Variants in ZNF805 observed in about 807,000 individuals in gnomAD.
ZNF805 encodes the protein zinc finger protein 805.
Under a neutral mutation model 13.6 loss-of-function variants are expected in ZNF805, and 7 were observed. The observed-to-expected ratio is 0.51, with a 90% CI of 0.29 to 0.97. ZNF805 has a LOEUF of 0.97. Among genes scored for constraint, ZNF805 ranks in the 50% least tolerant of loss-of-function variants. The pLI is 0.08. For missense variants in ZNF805, 604 were observed against 771.0 expected, an observed-to-expected ratio of 0.78 and a Z score of 2.57; for synonymous variants, 293 against 279.8, an observed-to-expected ratio of 1.05 and a Z score of -0.47.
chr19:57,255,762 A>G lies in ZNF805; in HGVS notation c.*1059A>G, dbSNP rs1027065570. 2.0e-5 allele frequency among the ~76,000 whole-genome samples: 3 copies of G among 152,284 alleles called. No individual in the cohort carries two copies. The highest frequency in any genetic ancestry group is 7.2e-5 in the African/African-American group (3 of 41,578). The stretch of plus-strand genomic sequence containing the variant: ...GGAGAATCCTTAGGATTTTAAATAT[A>G]GAAATGTCATTTGCAATTTGGGACA... On this transcript the variant is annotated 3_prime_UTR_variant, in exon 4 of 4. Coordinates refer to ENST00000414468, the MANE Select transcript of ZNF805 (RefSeq NM_001023563.4).
At chr19:57,245,787 A>C (rs2087614386) in intron 2 of ZNF805, among the ~76,000 whole-genome samples, 1 of 152,014 alleles carries the variant, frequency 6.6e-6, no homozygotes. Flanking sequence ...TCAAAAAAAA[A>C]AAAAACCTAA....
In ZNF805 at chr19:57,253,805, G is replaced by T; in HGVS notation, c.986G>T (p.Gly329Val). ...ECGKAFRDRPGFIRHYIIHSG... is the reference protein window; with the variant it reads ...ECGKAFRDRPVFIRHYIIHSG... ...GGCAAAGCCTTTCGAGATAGGCCAG[G>T]TTTCATTCGACACTACATCATCCAC... The change falls in exon 4 of 4, where the codon GGT (glycine) becomes GTT (valine). Residue 329 changes from glycine to valine, a missense_variant. Coordinates refer to ENST00000414468, the MANE Select transcript of ZNF805 (RefSeq NM_001023563.4). The surrounding 1 kb of genome is among the most constrained non-coding windows in gnomAD (Gnocchi z 4.4). 1 of 1,613,564 alleles carries T rather than the reference G, an allele frequency of 6.2e-7. No homozygotes were observed. Among genetic ancestry groups the T allele is most frequent in the Non-Finnish European group, 8.5e-7 (1 of 1,179,876 alleles).
chr19:57,243,932 A>G lies in ZNF805; in HGVS notation c.40A>G (p.Thr14Ala). The G allele has an allele frequency of 6.2e-7, 1 of 1,614,100 alleles. No individual in the cohort carries two copies. Among genetic ancestry groups the G allele is most frequent in the Non-Finnish European group, 8.5e-7 (1 of 1,180,032 alleles). ...CTATTTGACATTTCAGGTGTCTGTG[A>G]CCTTTGATGATGTGGCTGTGACTTT... ...ALTDPAQVSV[T>A]FDDVAVTFTQ... The change falls in exon 2 of 4, where the codon ACC (threonine) becomes GCC (alanine). Residue 14 changes from threonine to alanine, a missense_variant. Thr to Ala is a moderately conservative substitution (Grantham distance 58). Transcript: ENST00000414468.
In ZNF805 at chr19:57,256,388, C is replaced by T. The variant is rs570303270; in HGVS notation, c.*1685C>T. On this transcript the variant is annotated 3_prime_UTR_variant, in exon 4 of 4. Coordinates refer to ENST00000414468, the MANE Select transcript of ZNF805 (RefSeq NM_001023563.4). Reference sequence around the variant, plus strand: ...ATTCTCTTCTGTTTTTTTGGAAGATCATGTGTAGAATTGGTGTTATTTGTT... The same window carrying T: ...ATTCTCTTCTGTTTTTTTGGAAGATTATGTGTAGAATTGGTGTTATTTGTT... 5.1e-4 allele frequency among the ~76,000 whole-genome samples: 78 copies of T among 152,212 alleles called. No individual in the cohort carries two copies. Among genetic ancestry groups the T allele is most frequent in the African/African-American group, 1.8e-3 (75 of 41,558 alleles).
intron 1 of ZNF805, among the ~76,000 whole-genome samples, chr19:57,243,181 A>C (rs1293338357): frequency 6.6e-6 from 1 of 152,098 alleles, no homozygotes; most frequent in East Asian, 1.9e-4. Context: ...ATGCCATTAC[A>C]CTCCAGTCTG....
In ZNF805 at chr19:57,253,536, C is replaced by CT; in HGVS notation, c.720dup (p.Ser241Ter). On this transcript the variant is annotated frameshift_variant, in exon 4 of 4. Transcript: ENST00000414468. LOFTEE classifies it high-confidence loss of function. This position sits in a 1 kb window ranked among gnomAD's most constrained non-coding sequence, Gnocchi z 4.4. Reference sequence around the variant, plus strand: ...ATGAATGCACAGAGTGTGGAAAAACCTTTAGCAAGAGTACATACCTCCTGC... The same window carrying CT: ...ATGAATGCACAGAGTGTGGAAAAACCTTTTAGCAAGAGTACATACCTCCTGC... 5.6e-6 allele frequency: 9 copies of CT among 1,613,000 alleles called. No individual in the cohort carries two copies. Among genetic ancestry groups the CT allele is most frequent in the Non-Finnish European group, 7.6e-6 (9 of 1,179,446 alleles).
At chr19:57,243,688 G>A (rs948797648) in intron 1 of ZNF805, among the ~76,000 whole-genome samples, 4 of 152,120 alleles carry the variant, frequency 2.6e-5, no homozygotes, top group East Asian at 1.9e-4. Flanking sequence ...CGCCATCCAC[G>A]AGTTATTGCC....
At chr19:57,252,991 A>AT (rs1021537607) in intron 3 of ZNF805, 82 bp from the exon 4 acceptor site, 68 of 1,249,170 alleles carry the variant, frequency 5.4e-5, no homozygotes, top group South Asian at 1.5e-4. Context: ...TTATAACTTC[A>AT]TTTTTTTTAC....
At position 57,257,821 on chromosome 19, in the gene ZNF805, C is replaced by T. The variant is rs1200395389; in HGVS notation, c.*3118C>T. Among the ~76,000 whole-genome samples the T allele has an allele frequency of 6.7e-6, 1 of 148,946 alleles. No individual in the cohort carries two copies. The highest frequency in any genetic ancestry group is 1.5e-5 in the Non-Finnish European group (1 of 67,716). On this transcript the variant is annotated 3_prime_UTR_variant, in exon 4 of 4. Coordinates refer to ENST00000414468, the MANE Select transcript of ZNF805 (RefSeq NM_001023563.4). ...TCCTGGGTTCAAGTGATTCTCCTGC[C>T]TCAGGCTCTTGAGTAGCTGGGATTA...
At chr19:57,243,316 T>A (rs1289465342) in intron 1 of ZNF805, among the ~76,000 whole-genome samples, 1 of 151,970 alleles carries the variant, frequency 6.6e-6, no homozygotes, top group Non-Finnish European at 1.5e-5. Flanking sequence ...GCGGTGGTGT[T>A]TAGTAATACT....
At chr19:57,242,207 G>A (rs1384580870) in intron 1 of ZNF805, among the ~76,000 whole-genome samples, 2 of 152,196 alleles carry the variant, frequency 1.3e-5, no homozygotes, top group African/African-American at 2.4e-5. Context: ...CATATTTAGC[G>A]TGTGGACCAC....
At position 57,254,901 on chromosome 19, in the gene ZNF805, AAG is replaced by A; in HGVS notation, c.*201_*202del. On this transcript the variant is annotated 3_prime_UTR_variant, in exon 4 of 4. Coordinates refer to ENST00000414468, the MANE Select transcript of ZNF805 (RefSeq NM_001023563.4). ...TATCTCAGGAATTTTTATAAACAGA[AAG>A]AGGTGACATAGAAAAGAAAATGAAA... The A allele has an allele frequency of 1.7e-6, 1 of 579,792 alleles. No homozygotes were observed. The highest frequency in any genetic ancestry group is 2.6e-5 in the South Asian group (1 of 39,062). The allele number at this position is 579,792 out of a possible 1,614,324, so 35.9% of individuals were successfully genotyped here.
intron 2 of ZNF805, among the ~76,000 whole-genome samples, chr19:57,245,592 A>T (rs1337284051): frequency 6.1e-5 from 9 of 148,206 alleles, no homozygotes; most frequent in Admixed American, 6.8e-5. Flanking sequence ...ATCCTGGCTA[A>T]CACGGTGCAA....
rs1008215594 is a variant in ZNF805 at position 57,261,694 on chromosome 19, A to G, written c.*6991A>G. 6.0e-6 allele frequency: 1 copy of G among 167,060 alleles called. No individual in the cohort carries two copies. Among genetic ancestry groups the G allele is most frequent in the African/African-American group, 2.4e-5 (1 of 41,448 alleles). 10.3% of individuals were successfully genotyped at this position (167,060 alleles called of 1,614,324 possible). ...CATGGACTTTTATGGACCTACGTAC[A>G]CAATTTTAGAAATCATAATAAATGA... is the stretch of plus-strand genomic sequence containing the variant. On this transcript the variant is annotated 3_prime_UTR_variant, in exon 4 of 4. Transcript: ENST00000414468.
intron 2 of ZNF805, among the ~76,000 whole-genome samples, chr19:57,245,642 G>A (rs950965874): frequency 2.5e-4 from 38 of 150,432 alleles, no homozygotes; most frequent in Admixed American, 4.7e-4. Context: ...AGCCGGGCGT[G>A]GTGGCGGGTG....
chr19:57,255,998 C>G lies in ZNF805; in HGVS notation c.*1295C>G, dbSNP rs563575845. 5.3e-5 allele frequency among the ~76,000 whole-genome samples: 8 copies of G among 152,100 alleles called. No individual in the cohort carries two copies. The highest frequency in any genetic ancestry group is 3.9e-4 in the Admixed American group (6 of 15,280). ...TCTCTATCGAGTTTAGAAAGTTTCCCTCTATTCCTAATTTGCTGGGATTTT... is the reference window on the plus strand; with the variant it reads ...TCTCTATCGAGTTTAGAAAGTTTCCGTCTATTCCTAATTTGCTGGGATTTT... On this transcript the variant is annotated 3_prime_UTR_variant, in exon 4 of 4. Transcript: ENST00000414468.
At position 57,257,507 on chromosome 19, in the gene ZNF805, C is replaced by G. The variant is rs1040861330; in HGVS notation, c.*2804C>G. ...GACCCTTTTATAATTAAGTAATGTC[C>G]CTTTTTGTTCCTGTTAATACTCTTA... On this transcript the variant is annotated 3_prime_UTR_variant, in exon 4 of 4. Coordinates refer to ENST00000414468, the MANE Select transcript of ZNF805 (RefSeq NM_001023563.4). 6.8e-6 allele frequency among the ~76,000 whole-genome samples: 1 copy of G among 148,030 alleles called. No individual in the cohort carries two copies. The highest frequency in any genetic ancestry group is 1.5e-5 in the Non-Finnish European group (1 of 66,146).
At chr19:57,246,619 T>G in intron 2 of ZNF805, among the ~76,000 whole-genome samples, 1 of 151,826 alleles carries the variant, frequency 6.6e-6, no homozygotes, top group Admixed American at 6.6e-5. Flanking sequence ...GTACTAAATA[T>G]ACAAAAATTA....
In ZNF805 at chr19:57,259,089, T is replaced by G. The variant is rs550680100; in HGVS notation, c.*4386T>G. On this transcript the variant is annotated 3_prime_UTR_variant, in exon 4 of 4. Coordinates refer to ENST00000414468, the MANE Select transcript of ZNF805 (RefSeq NM_001023563.4). ...ATCAACCTGCGTTCAAAGTGTTTTG[T>G]TTTTTTTGTAGTGTTCAGAAGTTTG... is the stretch of plus-strand genomic sequence containing the variant. Among the ~76,000 whole-genome samples the G allele has an allele frequency of 6.6e-6, 1 of 152,002 alleles. No individual in the cohort carries two copies. Among genetic ancestry groups the G allele is most frequent in the Non-Finnish European group, 1.5e-5 (1 of 67,978 alleles).
Sources: allele counts gnomAD v4.1 joint callset (sites outside exome capture counted in the v4.1 genomes callset), GRCh38; gene constraint gnomAD v4.1.1; non-coding constraint Gnocchi (gnomAD v3.1); transcripts MANE v1.5; gene names NCBI Gene and HGNC (gene_info 2026-07-23, HGNC 2026-07-21).